The following CD44 variants were observed in gnomAD, a reference collection of about 807,000 sequenced individuals.
CD44 encodes the protein CD44 antigen.
Under a neutral mutation model 88.8 loss-of-function variants are expected in CD44, and 49 were observed. The observed-to-expected ratio is 0.55, with a 90% CI of 0.44 to 0.70. The LOEUF (loss-of-function observed/expected upper bound fraction) is 0.70, where lower values mean the gene tolerates loss of function less well. Among genes scored for constraint, CD44 ranks in the 30% least tolerant of loss-of-function variants. The probability of loss-of-function intolerance (pLI) is 0.00; values close to 1 mark genes in which losing one functional copy is unlikely to be tolerated. For missense variants in CD44, 883 were observed against 913.8 expected (o/e 0.97, Z 0.43); for synonymous variants, 325 against 312.3 (o/e 1.04, Z -0.43).
intron 1 of CD44, among the ~76,000 whole-genome samples, chr11:35,143,769 C>T (rs1246136138): frequency 1.4e-5 from 2 of 141,164 alleles, no homozygotes; most frequent in African/African-American, 6.0e-5. Context: ...ATCAGAGATG[C>T]CAACCAAGTT....
intron 2 of CD44, 120 bp from the exon 3 acceptor site, chr11:35,180,154 C>T (rs1160456654): frequency 2.3e-5 from 22 of 940,926 alleles, no homozygotes; most frequent in Non-Finnish European, 2.7e-5. Flanking sequence ...TTGAAACCTC[C>T]GATATCCCTA....
chr11:35,208,196 A>G lies in CD44; in HGVS notation c.1506A>G (p.Ser502=), dbSNP rs755067289. ...ATTTGGACAGGACAGGACCTCTTTC[A>G]ATGACAACGCGTAAGAATAACGATG... The part of the protein sequence containing the change: ...VEDLDRTGPL[S]MTTQQSNSQS... The change falls in exon 12 of 18, where the codon TCA becomes TCG. Residue 502 remains serine (S), a synonymous_variant. Coordinates refer to ENST00000428726, the MANE Select transcript of CD44 (RefSeq NM_000610.4). 1.2e-5 allele frequency: 19 copies of G among 1,607,922 alleles called. No individual in the cohort carries two copies. In the South Asian group the frequency reaches 1.8e-4, roughly 15 times the overall value.
At chr11:35,189,795 T>G in intron 4 of CD44, 40 bp from the exon 5 acceptor site, 20 of 1,333,934 alleles carry the variant, frequency 1.5e-5, no homozygotes, top group Non-Finnish European at 2.0e-5. Flanking sequence ...ACTCAAAATA[T>G]GAGCTGTGAA....
chr11:35,141,586 G>T (rs1380161371), intron 1 of CD44, among the ~76,000 whole-genome samples: 3 of 152,144 alleles, frequency 2.0e-5, no homozygotes, highest in African/African-American at 7.2e-5. Context: ...CTTCCAACCT[G>T]TCTCCCCGTT....
intron 10 of CD44, chr11:35,205,804 A>C: frequency 9.8e-7 from 1 of 1,019,084 alleles, no homozygotes; most frequent in South Asian, 4.4e-5. Flanking sequence ...GCAGCATGGC[A>C]TGGGTCAAGA....
intron 7 of CD44, among the ~76,000 whole-genome samples, chr11:35,198,783 C>T (rs573223034): frequency 5.7e-4 from 86 of 152,140 alleles, no homozygotes; most frequent in Middle Eastern, 3.4e-3. Context: ...TCGAGACCAT[C>T]CTGGCTAACA....
At chr11:35,199,934 G>GTTTTTTTT (rs60509735) in intron 7 of CD44, among the ~76,000 whole-genome samples, 43 of 90,860 alleles carry the variant, frequency 4.7e-4, no homozygotes, top group African/African-American at 8.8e-4. Flanking sequence ...CCATGGTGTT[G>GTTTTTTTT]TTTTTTTTTT....
At chr11:35,160,735 A>G (rs916502821) in intron 1 of CD44, among the ~76,000 whole-genome samples, 2 of 152,164 alleles carry the variant, frequency 1.3e-5, no homozygotes, top group Non-Finnish European at 2.9e-5. Context: ...TAGACCTTCA[A>G]CCTAATGTTC....
intron 1 of CD44, among the ~76,000 whole-genome samples, chr11:35,156,758 C>T (rs1383140324): frequency 6.6e-6 from 1 of 152,216 alleles, no homozygotes; most frequent in Non-Finnish European, 1.5e-5. Flanking sequence ...TAATGTCTGT[C>T]AGTGGCTCAT....
chr11:35,193,147 G>A (rs758021872), intron 5 of CD44, among the ~76,000 whole-genome samples: 3 of 152,094 alleles, frequency 2.0e-5, no homozygotes, highest in African/African-American at 4.8e-5. Context: ...TGTGTCCTTT[G>A]CAGCAGGGGT....
At chr11:35,165,800 C>T (rs903274690) in intron 1 of CD44, among the ~76,000 whole-genome samples, 1 of 152,150 alleles carries the variant, frequency 6.6e-6, no homozygotes, top group Non-Finnish European at 1.5e-5. Context: ...TAGGCTAGAA[C>T]CAGTGCATCC....
chr11:35,166,234 T>C (rs78245234), intron 1 of CD44, among the ~76,000 whole-genome samples: 1,627 of 152,312 alleles, frequency 0.011, 18 homozygotes, highest in Admixed American at 0.019. Flanking sequence ...CTGATCACCA[T>C]GGCAACACAC....
At position 35,196,838 on chromosome 11, in the gene CD44, T is replaced by G; in HGVS notation, c.760T>G (p.Ser254Ala). 1.2e-6 allele frequency: 2 copies of G among 1,613,684 alleles called. No homozygotes were observed. The highest frequency in any genetic ancestry group is 8.5e-7 in the Non-Finnish European group (1 of 1,179,722). The change falls in exon 6 of 18, where the codon TCA (serine) becomes GCA (alanine). Residue 254 changes from serine (S) to alanine (A), a missense_variant. By Grantham distance (99) the Ser-to-Ala change is moderately conservative (BLOSUM62 1). This residue lies in a region of CD44 where 631 missense variants were observed against 590.9 expected (regional missense o/e 1.07). Coordinates refer to ENST00000428726, the MANE Select transcript of CD44 (RefSeq NM_000610.4). ...WFSWLFLPSE[S>A]KNHLHTTTQM... ...TTCATGGTTGTTTCTACCATCAGAGTCAAAGAATCATCTTCACACAACAAC... is the reference window on the plus strand; with the variant it reads ...TTCATGGTTGTTTCTACCATCAGAGGCAAAGAATCATCTTCACACAACAAC...
chr11:35,216,960 A>G (rs1376560577), intron 15 of CD44, among the ~76,000 whole-genome samples: 1 of 152,230 alleles, frequency 6.6e-6, no homozygotes, highest in Non-Finnish European at 1.5e-5. Context: ...CATTGAAGCC[A>G]ATTGAACAAT....
At chr11:35,178,949 T>C (rs1361380072) in intron 2 of CD44, among the ~76,000 whole-genome samples, 1 of 152,222 alleles carries the variant, frequency 6.6e-6, no homozygotes, top group Non-Finnish European at 1.5e-5. Context: ...TGGGTTAGGA[T>C]AAAACCTTAG....
intron 4 of CD44, among the ~76,000 whole-genome samples, chr11:35,189,055 G>A (rs1331108592): frequency 6.6e-6 from 1 of 152,212 alleles, no homozygotes; most frequent in Non-Finnish European, 1.5e-5. Flanking sequence ...TGCATAGTGA[G>A]TGGCCCAGAC....
At position 35,195,000 on chromosome 11, in the gene CD44, C is replaced by T. The variant is rs1482089375; in HGVS notation, c.668-1746C>T. 3.9e-5 allele frequency among the ~76,000 whole-genome samples: 6 copies of T among 152,162 alleles called. No individual in the cohort carries two copies. In the East Asian group the frequency reaches 5.8e-4, roughly 15 times the overall value. ...CTCATCAAAGTGTAGGCCCTGAACC[C>T]TTCTTTGGACACTTAAAATCTCAAC... On this transcript the variant is annotated intron_variant, in intron 5 of 17. Transcript: ENST00000428726.
rs113835148 is a variant in CD44 at position 35,201,802 on chromosome 11, G to C, written c.1153+15G>C. On this transcript the variant is annotated intron_variant, in intron 9 of 17. Transcript: ENST00000428726. The stretch of plus-strand genomic sequence containing the variant: ...TACAAGCACAAGTAAGCAAGATGGC[G>C]GTCGGCAGTTCTGGGTTAGATGAAT... The C allele has an allele frequency of 8.1e-6, 13 of 1,612,874 alleles. No individual in the cohort carries two copies. The East Asian group carries it at 2.2e-4, about 28-fold the overall frequency.
At position 35,206,110 on chromosome 11, in the gene CD44, A is replaced by G; in HGVS notation, c.1283-2A>G. 1 of 1,606,128 alleles carries G rather than the reference A, an allele frequency of 6.2e-7. No individual in the cohort carries two copies. ...ACAATTGCTCAAACTGCATGGTCAC[A>G]GCAGCCTCAGCTCATACCAGCCATC... On this transcript the variant is annotated splice_acceptor_variant, in intron 10 of 17. Transcript: ENST00000428726. LOFTEE classifies it high-confidence loss of function.
Sources: gnomAD v4.1 joint callset for allele counts (sites outside exome capture counted in the v4.1 genomes callset) on GRCh38, gnomAD v4.1.1 for gene constraint, gnomAD v4.1.1 regional missense constraint, MANE v1.5 for transcripts, NCBI Gene and HGNC (gene_info 2026-07-23, HGNC 2026-07-21) for gene names.